The following ITGA8 variants were observed in gnomAD, a reference collection of about 807,000 sequenced individuals.
The protein encoded by ITGA8 is integrin alpha-8.
A neutral mutation model predicts 142.3 loss-of-function variants in ITGA8; 91 were observed. That is an observed-to-expected ratio of 0.64 (90% CI 0.54 to 0.76). The LOEUF is 0.76. ITGA8 is among the 30% of genes least tolerant of loss of function. ITGA8 has a pLI of 0.00. For synonymous variants in ITGA8, 505 were observed against 485.2 expected (o/e 1.04, Z -0.54); for missense variants, 1,406 against 1,327.7 (o/e 1.06, Z -0.92).
intron 28 of ITGA8, among the ~76,000 whole-genome samples, chr10:15,525,645 CAAA>C (rs374326483): frequency 3.1e-5 from 2 of 63,796 alleles, no homozygotes; most frequent in African/African-American, 7.0e-5. Flanking sequence ...AACTCCATCT[CAAA>C]AAAAAAAAAA....
intron 3 of ITGA8, 56 bp from the exon 4 acceptor site, chr10:15,684,183 A>G (rs1834794708): frequency 4.5e-6 from 7 of 1,559,678 alleles, no homozygotes; most frequent in Non-Finnish European, 6.1e-6. Context: ...CTCATACTAC[A>G]GTTTTATTTG....
intron 1 of ITGA8, among the ~76,000 whole-genome samples, 184 bp from the exon 2 acceptor site, chr10:15,719,083 C>A (rs753712603): frequency 1.3e-5 from 2 of 152,074 alleles, no homozygotes; most frequent in African/African-American, 2.4e-5. Context: ...ACCTGGTTTG[C>A]AAGAATGCAA....
chr10:15,635,232 C>T (rs1427668387), intron 13 of ITGA8, among the ~76,000 whole-genome samples: 1 of 151,988 alleles, frequency 6.6e-6, no homozygotes, highest in African/African-American at 2.4e-5. Flanking sequence ...GTCTTGATCT[C>T]TTGACTTCAT....
chr10:15,706,448 T>C (rs1835259418), intron 2 of ITGA8, among the ~76,000 whole-genome samples: 1 of 152,078 alleles, frequency 6.6e-6, no homozygotes, highest in African/African-American at 2.4e-5. Flanking sequence ...AAATCTAAGC[T>C]GATCCATTTT....
intron 2 of ITGA8, among the ~76,000 whole-genome samples, chr10:15,691,281 G>T (rs1463178112): frequency 1.3e-5 from 2 of 152,148 alleles, no homozygotes; most frequent in African/African-American, 4.8e-5. Flanking sequence ...AAACATTAAA[G>T]GAAGTTCCTC....
intron 2 of ITGA8, among the ~76,000 whole-genome samples, chr10:15,707,727 G>A (rs374289858): frequency 6.3e-4 from 95 of 151,876 alleles, no homozygotes; most frequent in African/African-American, 2.1e-3. Context: ...GGAGGCTGAG[G>A]CAGGAGAATT....
At chr10:15,580,431 G>A (rs61845560) in intron 23 of ITGA8, among the ~76,000 whole-genome samples, 42,227 of 151,956 alleles carry the variant, frequency 0.28, 7,166 homozygotes, top group Non-Finnish European at 0.38. Flanking sequence ...ATCATTTTAC[G>A]GAGCTAGCAT....
At chr10:15,628,828 T>A (rs1171467892) in intron 13 of ITGA8, among the ~76,000 whole-genome samples, 1 of 151,960 alleles carries the variant, frequency 6.6e-6, no homozygotes, top group East Asian at 1.9e-4. Context: ...AAATATCTCA[T>A]GTACCCCATA....
At chr10:15,527,455 G>C (rs2057625) in intron 28 of ITGA8, among the ~76,000 whole-genome samples, 151,527 of 152,324 alleles carry the variant, frequency 0.99, 75,374 homozygotes, top group Middle Eastern at 1. Flanking sequence ...ATGCAAAGGC[G>C]AAAGTTCCTT....
chr10:15,678,946 T>C (rs1834684544), intron 4 of ITGA8, among the ~76,000 whole-genome samples, 163 bp from the exon 5 acceptor site: 1 of 152,242 alleles, frequency 6.6e-6, no homozygotes. Flanking sequence ...AGTAATTTAT[T>C]AAACATATTT....
chr10:15,660,796 A>G, intron 9 of ITGA8, 83 bp downstream of exon 9: 2 of 1,103,204 alleles, frequency 1.8e-6, no homozygotes, highest in Admixed American at 1.9e-5. Flanking sequence ...TCAATTTATG[A>G]TGGGTTTATT....
At chr10:15,588,961 ATC>A (rs1349133066) in intron 22 of ITGA8, among the ~76,000 whole-genome samples, 1 of 152,216 alleles carries the variant, frequency 6.6e-6, no homozygotes. Flanking sequence ...TGTCAGCAAT[ATC>A]TCTTGTAAGA....
intron 28 of ITGA8, among the ~76,000 whole-genome samples, chr10:15,520,139 C>CGGT (rs1259322378): frequency 6.6e-6 from 1 of 152,124 alleles, no homozygotes; most frequent in Non-Finnish European, 1.5e-5. Context: ...CAGGCCAGAG[C>CGGT]GGTGGCTCAT....
chr10:15,708,831 C>T (rs1347250629), intron 2 of ITGA8, among the ~76,000 whole-genome samples: 1 of 152,150 alleles, frequency 6.6e-6, no homozygotes, highest in Non-Finnish European at 1.5e-5. Context: ...CACCCCTTTT[C>T]CAATTAGGGT....
chr10:15,719,065 G>C (rs1835508112), intron 1 of ITGA8, among the ~76,000 whole-genome samples, 166 bp from the exon 2 acceptor site: 1 of 151,714 alleles, frequency 6.6e-6, no homozygotes, highest in South Asian at 2.1e-4. Flanking sequence ...TGGAAACGGG[G>C]GTCCGCAACC....
chr10:15,538,194 A>G (rs544804615), intron 27 of ITGA8, among the ~76,000 whole-genome samples: 6 of 152,180 alleles, frequency 3.9e-5, no homozygotes, highest in Non-Finnish European at 7.3e-5. Flanking sequence ...CAAGTGGTTC[A>G]GTCATCCTGG....
intron 23 of ITGA8, among the ~76,000 whole-genome samples, chr10:15,581,851 AC>A: frequency 6.6e-6 from 1 of 152,300 alleles, no homozygotes; most frequent in African/African-American, 2.4e-5. Flanking sequence ...CCAGAAATAG[AC>A]TCTCACATAT....
chr10:15,595,289 G>T (rs1832993905), intron 21 of ITGA8, among the ~76,000 whole-genome samples: 1 of 152,042 alleles, frequency 6.6e-6, no homozygotes. Flanking sequence ...CTTTAGCACT[G>T]CTTTTCCATT....
intron 12 of ITGA8, among the ~76,000 whole-genome samples, chr10:15,644,864 C>A (rs558691597): frequency 2.0e-5 from 3 of 151,556 alleles, no homozygotes; most frequent in Non-Finnish European, 4.4e-5. Flanking sequence ...GAGGCCGAGG[C>A]GGGCGGATCA....
Sources: gnomAD v4.1 joint callset for allele counts (sites outside exome capture counted in the v4.1 genomes callset) on GRCh38, gnomAD v4.1.1 for gene constraint, MANE v1.5 for transcripts, NCBI Gene and HGNC (gene_info 2026-07-23, HGNC 2026-07-21) for gene names.